Variants in ADGRG6 observed in about 807,000 individuals in gnomAD.
ADGRG6 encodes adhesion G protein-coupled receptor G6.
A neutral mutation model predicts 142.4 loss-of-function variants in ADGRG6; 84 were observed. That is an observed-to-expected ratio of 0.59 (90% CI 0.49 to 0.71). The LOEUF is 0.71. Ranked by LOEUF, ADGRG6 falls within the 30% of genes least tolerant of loss-of-function variation. The probability of loss-of-function intolerance (pLI) is 0.00; values close to 1 mark genes in which losing one functional copy is unlikely to be tolerated. For synonymous variants in ADGRG6, 521 were observed against 520.5 expected, an observed-to-expected ratio of 1.00 and a Z score of -0.01; for missense variants, 1,367 against 1,466.6, an observed-to-expected ratio of 0.93 and a Z score of 1.11.
At chr6:142,314,506 A>T (rs572893296) in intron 2 of ADGRG6, among the ~76,000 whole-genome samples, 1 of 152,210 alleles carries the variant, frequency 6.6e-6, no homozygotes, top group African/African-American at 2.4e-5. Flanking sequence ...TTTTTGGAGC[A>T]GTCCCTGTCA....
intron 2 of ADGRG6, among the ~76,000 whole-genome samples, chr6:142,354,929 A>T (rs1012741618): frequency 2.6e-5 from 4 of 152,218 alleles, no homozygotes; most frequent in Non-Finnish European, 4.4e-5. Context: ...TCTGGTGATT[A>T]TGTTATAGGG....
At chr6:142,337,024 C>T (rs1363150933) in intron 2 of ADGRG6, among the ~76,000 whole-genome samples, 1 of 152,180 alleles carries the variant, frequency 6.6e-6, no homozygotes, top group Non-Finnish European at 1.5e-5. Context: ...ACCAGGTCTG[C>T]GTCTACCAGG....
rs368370029 is a variant in ADGRG6 at position 142,417,258 on chromosome 6, G to A, written c.2939-15G>A. 8 of 1,382,556 alleles carry A rather than the reference G, an allele frequency of 5.8e-6. No homozygotes were observed. Among genetic ancestry groups the A allele is most frequent in the Admixed American group, 3.4e-5 (2 of 58,750 alleles). The allele number at this position is 1,382,556 out of a possible 1,614,324, so 85.6% of individuals were successfully genotyped here. ...ATGCTTCAAAAGAGTTTGTGTCATG[G>A]TGTTTTTGTAACAGGTTTGCCTGCC... On this transcript the variant is annotated splice_polypyrimidine_tract_variant and intron_variant, in intron 20 of 24. Transcript: ENST00000367609.
chr6:142,393,069 G>A, intron 8 of ADGRG6, 69 bp downstream of exon 8: 1 of 834,462 alleles, frequency 1.2e-6, no homozygotes, highest in Admixed American at 2.0e-5. Context: ...TTGTCTCTCT[G>A]ATTGTACCAA....
chr6:142,320,899 G>A (rs1314280310), intron 2 of ADGRG6, among the ~76,000 whole-genome samples: 2 of 151,820 alleles, frequency 1.3e-5, no homozygotes, highest in Non-Finnish European at 2.9e-5. Flanking sequence ...CATTTTCAAA[G>A]GCTGATAAAT....
intron 2 of ADGRG6, among the ~76,000 whole-genome samples, chr6:142,359,353 C>T (rs191360055): frequency 5.9e-5 from 9 of 152,156 alleles, no homozygotes; most frequent in Admixed American, 5.2e-4. Context: ...CTTATCTCTG[C>T]CTACTTTGTC....
chr6:142,397,604 T>G lies in ADGRG6; in HGVS notation c.1425-9T>G. The G allele has an allele frequency of 6.2e-7, 1 of 1,606,538 alleles. No homozygotes were observed. Among genetic ancestry groups the G allele is most frequent in the Non-Finnish European group, 8.5e-7 (1 of 1,177,108 alleles). On this transcript the variant is annotated splice_polypyrimidine_tract_variant and intron_variant, in intron 9 of 24. Transcript: ENST00000367609. The stretch of plus-strand genomic sequence containing the variant: ...AACAACAACAGTTCTATCCGAAATG[T>G]TTCCCTAGGTTGGTGCTTTGGGCCC...
chr6:142,309,229 CT>C (rs1777642794), intron 1 of ADGRG6, among the ~76,000 whole-genome samples: 1 of 151,814 alleles, frequency 6.6e-6, no homozygotes, highest in African/African-American at 2.4e-5. Flanking sequence ...GCTAACATTG[CT>C]TTATTTTTTA....
chr6:142,388,850 A>G (rs1782161182), intron 6 of ADGRG6, among the ~76,000 whole-genome samples: 2 of 152,052 alleles, frequency 1.3e-5, no homozygotes, highest in Admixed American at 1.3e-4. Flanking sequence ...CAGGATCCTG[A>G]AATAACTCTT....
chr6:142,393,798 A>C, intron 8 of ADGRG6, 98 bp from the exon 9 acceptor site: 1 of 738,142 alleles, frequency 1.4e-6, no homozygotes. Flanking sequence ...ATTGGCTTAG[A>C]ATTCCCATTC....
At chr6:142,334,852 C>T (rs1014734912) in intron 2 of ADGRG6, among the ~76,000 whole-genome samples, 5 of 152,042 alleles carry the variant, frequency 3.3e-5, no homozygotes, top group African/African-American at 4.8e-5. Flanking sequence ...CTGTGGCAAT[C>T]CTTTTAAAAC....
chr6:142,336,242 A>C (rs141792346), intron 2 of ADGRG6, among the ~76,000 whole-genome samples: 1 of 152,210 alleles, frequency 6.6e-6, no homozygotes, highest in East Asian at 1.9e-4. Flanking sequence ...GATTGTTGCT[A>C]TTTTTCTTCC....
intron 2 of ADGRG6, among the ~76,000 whole-genome samples, chr6:142,361,363 C>T (rs1008733002): frequency 2.0e-5 from 3 of 152,104 alleles, no homozygotes; most frequent in African/African-American, 2.4e-5. Flanking sequence ...TTATTCTGTG[C>T]GTCAACAAGC....
chr6:142,400,400 T>C, intron 10 of ADGRG6, 85 bp from the exon 11 acceptor site: 1 of 679,848 alleles, frequency 1.5e-6, no homozygotes, highest in South Asian at 1.7e-5. Context: ...ACCAGCATTG[T>C]CATTTTGCTT....
chr6:142,412,795 A>G (rs1317431527), intron 18 of ADGRG6, among the ~76,000 whole-genome samples: 1 of 152,182 alleles, frequency 6.6e-6, no homozygotes, highest in Non-Finnish European at 1.5e-5. Context: ...TCATTCAGGT[A>G]TGTAAGCTTT....
intron 2 of ADGRG6, among the ~76,000 whole-genome samples, chr6:142,317,820 T>A (rs1396472396): frequency 1.2e-4 from 10 of 83,950 alleles, no homozygotes; most frequent in Non-Finnish European, 2.1e-4. Flanking sequence ...TTATATATAT[T>A]AATTTATATT....
At chr6:142,397,136 G>A (rs1775238194) in intron 9 of ADGRG6, among the ~76,000 whole-genome samples, 1 of 152,070 alleles carries the variant, frequency 6.6e-6, no homozygotes, top group Non-Finnish European at 1.5e-5. Context: ...TCACATTCAT[G>A]AATAGTAACA....
In ADGRG6 at chr6:142,437,497, A is replaced by G. The variant is rs541981396; in HGVS notation, c.3383A>G (p.His1128Arg). Reference sequence around the variant, plus strand: ...AATGTTCAGAAACAGTGGCGGCAGCATCTCTGCTGTGGTAGATTTCGGTTA... The same window carrying G: ...AATGTTCAGAAACAGTGGCGGCAGCGTCTCTGCTGTGGTAGATTTCGGTTA... ...KENVQKQWRQHLCCGRFRLAD... is the reference protein window; with the variant it reads ...KENVQKQWRQRLCCGRFRLAD... Residue 1128 changes from histidine (H) to arginine (R), a missense_variant, in exon 23 of 25, where the codon CAT becomes CGT. Physicochemically the swap from His to Arg is conservative, Grantham distance 29. Transcript: ENST00000367609. 1.9e-6 allele frequency: 3 copies of G among 1,569,388 alleles called. No individual in the cohort carries two copies. The South Asian group carries it at 3.3e-5, about 17-fold the overall frequency.
intron 4 of ADGRG6, among the ~76,000 whole-genome samples, chr6:142,379,212 G>A (rs931971217): frequency 6.6e-6 from 1 of 152,122 alleles, no homozygotes; most frequent in Admixed American, 6.6e-5. Flanking sequence ...TTTGAAGTTG[G>A]AAATTAGCAA....
Sources: allele counts gnomAD v4.1 joint callset (sites outside exome capture counted in the v4.1 genomes callset), GRCh38; gene constraint gnomAD v4.1.1; transcripts MANE v1.5; gene names NCBI Gene and HGNC (gene_info 2026-07-23, HGNC 2026-07-21).